POMZP3: variants seen among roughly 807,000 people sequenced by gnomAD.
The protein encoded by POMZP3 is POM121 and ZP3 fusion protein.
In POMZP3, 10 loss-of-function variants were observed where a neutral mutation model predicts 19.8. The observed-to-expected ratio is 0.51, with a 90% CI of 0.31 to 0.86. POMZP3 has a LOEUF of 0.86. POMZP3 is among the 40% of genes least tolerant of loss of function. The probability of loss-of-function intolerance (pLI) is 0.04; values close to 1 mark genes in which losing one functional copy is unlikely to be tolerated. For missense variants in POMZP3, 152 were observed against 228.1 expected (o/e 0.67, Z 2.15); for synonymous variants, 57 against 85.8 (o/e 0.66, Z 1.85).
rs200533284 is a variant in POMZP3, at chr7:76,621,940, AAAAT to A, written c.227+3578_227+3581del. ...GGGTGACAGCAAGACTCCGTTTCAA[AAAAT>A]AAATAAATAAATAAATAAATAAATA... On this transcript the variant is annotated intron_variant, in intron 3 of 6. Coordinates refer to ENST00000310842, the MANE Select transcript of POMZP3 (RefSeq NM_012230.5). 4.5e-4 allele frequency among the ~76,000 whole-genome samples: 34 copies of A among 75,502 alleles called. 5 individuals are homozygous for A. In the South Asian group the frequency reaches 4.6e-3, roughly 10 times the overall value. The allele number at this position is 75,502 out of a possible 152,430, so 49.5% of individuals were successfully genotyped here.
chr7:76,612,806 G>A (rs561408405), intron 4 of POMZP3, among the ~76,000 whole-genome samples: 1 of 77,382 alleles, frequency 1.3e-5, no homozygotes, highest in East Asian at 3.4e-4. Context: ...TCACTGTATT[G>A]CCAGCTAAGG....
rs1349730320 is a variant in POMZP3, at chr7:76,613,019, A to G, written c.346-1206T>C. Among the ~76,000 whole-genome samples, 22 of 54,494 alleles carry G rather than the reference A, an allele frequency of 4.0e-4. 4 individuals carry two copies. The highest frequency in any genetic ancestry group is 0.01 in the Middle Eastern group (1 of 96). 35.8% of individuals were successfully genotyped at this position (54,494 alleles called of 152,430 possible). ...AACCTCTGCCTCCTAGGTTCAAGCA[A>G]TTCTCCTGCCTCAGCCTCCCAAGTA... On this transcript the variant is annotated intron_variant, in intron 4 of 6. Coordinates refer to ENST00000310842, the MANE Select transcript of POMZP3 (RefSeq NM_012230.5).
At chr7:76,623,505 G>A (rs1413253319) in intron 3 of POMZP3, among the ~76,000 whole-genome samples, 1 of 147,568 alleles carries the variant, frequency 6.8e-6, no homozygotes, top group Non-Finnish European at 1.5e-5. Context: ...AGTTGTTCAA[G>A]AAAAGGGATC....
rs1211185334 is a variant in POMZP3, at chr7:76,625,406, G to A, written c.227+116C>T. The stretch of plus-strand genomic sequence containing the variant: ...TTCTTTCATGAAAGCCAAAGAAGGA[G>A]GCCTATGAAGGCTCACAAACTGGAG... On this transcript the variant is annotated intron_variant, in intron 3 of 6. Transcript: ENST00000310842. 5.2e-6 allele frequency: 8 copies of A among 1,525,338 alleles called. No homozygotes were observed. The African/African-American group carries it at 1.1e-4, about 21-fold the overall frequency. 94.5% of individuals were successfully genotyped at this position (1,525,338 alleles called of 1,614,324 possible).
intron 4 of POMZP3, among the ~76,000 whole-genome samples, chr7:76,614,564 CAAAAA>C (rs749162077): frequency 4.2e-5 from 2 of 47,848 alleles, no homozygotes; most frequent in Admixed American, 2.3e-4. Flanking sequence ...CCATTTCCCC[CAAAAA>C]AAAAAAAAAA....
chr7:76,623,120 C>T (rs1815664575), intron 3 of POMZP3, among the ~76,000 whole-genome samples: 1 of 151,902 alleles, frequency 6.6e-6, no homozygotes, highest in Admixed American at 6.6e-5. Flanking sequence ...GATCCCTCCA[C>T]CTCAGCCTCC....
rs1193853169 is a variant in POMZP3, at chr7:76,614,566, A to C, written c.346-2753T>G. Among the ~76,000 whole-genome samples the C allele has an allele frequency of 3.9e-4, 29 of 74,226 alleles. 8 individuals are homozygous for C. The South Asian group carries it at 5.4e-3, about 14-fold the overall frequency. 48.7% of individuals were successfully genotyped at this position (74,226 alleles called of 152,430 possible). Reference sequence around the variant, plus strand: ...CAAGAGTGACACTCCATTTCCCCCAAAAAAAAAAAAAAAAAAGAGGGGAGT... The same window carrying C: ...CAAGAGTGACACTCCATTTCCCCCACAAAAAAAAAAAAAAAAGAGGGGAGT... On this transcript the variant is annotated intron_variant, in intron 4 of 6. Coordinates refer to ENST00000310842, the MANE Select transcript of POMZP3 (RefSeq NM_012230.5).
At chr7:76,619,832 G>A (rs1340002332) in intron 3 of POMZP3, among the ~76,000 whole-genome samples, 2 of 109,266 alleles carry the variant, frequency 1.8e-5, no homozygotes, top group African/African-American at 7.9e-5. Flanking sequence ...CAGCTTGGGT[G>A]ACAAGACAAG....
chr7:76,616,571 T>C (rs1320700296), intron 4 of POMZP3, among the ~76,000 whole-genome samples: 1 of 98,720 alleles, frequency 1.0e-5, no homozygotes, highest in African/African-American at 4.0e-5. Flanking sequence ...TAAAAGCTAC[T>C]TGAGGCTGGG....
At chr7:76,623,147 C>G (rs1384395739) in intron 3 of POMZP3, among the ~76,000 whole-genome samples, 4 of 151,752 alleles carry the variant, frequency 2.6e-5, no homozygotes, top group South Asian at 4.2e-4. Flanking sequence ...GCTGAAATTA[C>G]AGGTGTGAGC....
In POMZP3 at chr7:76,613,457, C is replaced by G. The variant is rs549319808; in HGVS notation, c.346-1644G>C. Among the ~76,000 whole-genome samples the G allele has an allele frequency of 1.2e-3, 149 of 129,104 alleles. 17 individuals are homozygous for G. The highest frequency in any genetic ancestry group is 2.0e-3 in the Non-Finnish European group (116 of 57,180). The allele number at this position is 129,104 out of a possible 152,430, so 84.7% of individuals were successfully genotyped here. On this transcript the variant is annotated intron_variant, in intron 4 of 6. Transcript: ENST00000310842. Reference sequence around the variant, plus strand: ...AGCTCCTGCTGGGAGCTGAAGGACCCCCCCCACCCAGGGAATAGTCAACTA... The same window carrying G: ...AGCTCCTGCTGGGAGCTGAAGGACCGCCCCCACCCAGGGAATAGTCAACTA...
intron 2 of POMZP3, 130 bp downstream of exon 2, chr7:76,625,870 G>A: frequency 1.4e-6 from 2 of 1,415,618 alleles, no homozygotes; most frequent in Non-Finnish European, 1.9e-6. Context: ...ACTAGAATTT[G>A]GTATTTCTCA....
At chr7:76,610,579 G>C (rs1021887193) in intron 6 of POMZP3, among the ~76,000 whole-genome samples, 1 of 152,006 alleles carries the variant, frequency 6.6e-6, no homozygotes, top group African/African-American at 2.4e-5. Flanking sequence ...TTGAACCTGG[G>C]AGGCAGAGGT....
At chr7:76,623,374 G>A (rs1180876846) in intron 3 of POMZP3, among the ~76,000 whole-genome samples, 1 of 151,222 alleles carries the variant, frequency 6.6e-6, no homozygotes, top group Non-Finnish European at 1.5e-5. Context: ...GCAGCCTGAT[G>A]AATGCTTAAT....
intron 4 of POMZP3, among the ~76,000 whole-genome samples, chr7:76,614,041 C>G (rs140432713): frequency 0.056 from 5,090 of 90,142 alleles, 1,501 homozygotes; most frequent in African/African-American, 0.27. Context: ...AAACTTGAAA[C>G]CATGTAAATT....
chr7:76,621,135 C>G (rs1038431095), intron 3 of POMZP3: 74 of 148,930 alleles, frequency 5.0e-4, no homozygotes, highest in African/African-American at 1.7e-3. Context: ...GGGTCCTGAG[C>G]TGGCGCCATC....
chr7:76,619,261 G>A (rs1233501926), intron 3 of POMZP3, among the ~76,000 whole-genome samples: 7 of 152,210 alleles, frequency 4.6e-5, no homozygotes, highest in South Asian at 2.1e-4. Context: ...GGTGGCATGC[G>A]CCTGTAATCC....
chr7:76,615,315 C>T (rs1584342413), intron 4 of POMZP3, among the ~76,000 whole-genome samples: 1 of 95,886 alleles, frequency 1.0e-5, no homozygotes, highest in Admixed American at 9.9e-5. Context: ...CCCTAAGGAG[C>T]TATCGGTCAC....
At chr7:76,611,158 G>A (rs938665410) in intron 6 of POMZP3, among the ~76,000 whole-genome samples, 1 of 149,646 alleles carries the variant, frequency 6.7e-6, no homozygotes, top group African/African-American at 2.5e-5. Flanking sequence ...ACAGGCCTGA[G>A]CCACTATGCC....
Sources: allele counts gnomAD v4.1 joint callset (sites outside exome capture counted in the v4.1 genomes callset), GRCh38; gene constraint gnomAD v4.1.1; transcripts MANE v1.5; gene names NCBI Gene and HGNC (gene_info 2026-07-23, HGNC 2026-07-21).